IGSF21: variants seen among roughly 807,000 people sequenced by gnomAD.
IGSF21 encodes the protein immunoglobulin superfamily member 21.
Under a neutral mutation model 46.8 loss-of-function variants are expected in IGSF21, and 28 were observed. That is an observed-to-expected ratio of 0.60 (90% confidence interval 0.44 to 0.82). IGSF21 has a LOEUF of 0.82. Ranked by LOEUF, IGSF21 falls within the 40% of genes least tolerant of loss-of-function variation. The pLI, the probability that IGSF21 is intolerant of heterozygous loss-of-function variation, is 0.00. For synonymous variants in IGSF21, 284 were observed against 273.6 expected, an observed-to-expected ratio of 1.04 and a Z score of -0.38; for missense variants, 624 against 665.5, an observed-to-expected ratio of 0.94 and a Z score of 0.69.
At chr1:18,348,424 C>G (rs1336980668) in intron 4 of IGSF21, among the ~76,000 whole-genome samples, 1 of 152,236 alleles carries the variant, frequency 6.6e-6, no homozygotes, top group Admixed American at 6.5e-5. Flanking sequence ...CCCGCCAGAG[C>G]AGGCCTGCAG....
intron 1 of IGSF21, among the ~76,000 whole-genome samples, chr1:18,170,785 G>A (rs895272489): frequency 3.9e-5 from 6 of 152,026 alleles, no homozygotes; most frequent in Admixed American, 1.3e-4. Context: ...CTGGGCACAC[G>A]CCCTCCTGTC....
chr1:18,133,188 T>C (rs1397372698), intron 1 of IGSF21, among the ~76,000 whole-genome samples: 1 of 152,168 alleles, frequency 6.6e-6, no homozygotes, highest in Non-Finnish European at 1.5e-5. Flanking sequence ...AAGATACCCA[T>C]GCACTGAGGC....
chr1:18,315,802 A>G (rs1466948259), intron 3 of IGSF21, among the ~76,000 whole-genome samples: 1 of 134,982 alleles, frequency 7.4e-6, no homozygotes, highest in Non-Finnish European at 1.6e-5. Flanking sequence ...GAATGGATGG[A>G]TGGGTGGTGG....
intron 9 of IGSF21, 39 bp from the exon 10 acceptor site, chr1:18,378,217 G>T: frequency 6.4e-7 from 1 of 1,573,874 alleles, no homozygotes; most frequent in East Asian, 2.2e-5. Flanking sequence ...ACGGGGTTGG[G>T]TCTGCAGGCT....
At position 18,378,420 on chromosome 1, in the gene IGSF21, C is replaced by G; in HGVS notation, c.*94C>G. The G allele has an allele frequency of 1.9e-6, 2 of 1,065,598 alleles. No homozygotes were observed. Among genetic ancestry groups the G allele is most frequent in the Non-Finnish European group, 2.8e-6 (2 of 722,086 alleles). The allele number at this position is 1,065,598 out of a possible 1,614,324, so 66.0% of individuals were successfully genotyped here. A position where few individuals can be genotyped will look rare whatever the true frequency, so the allele number is the denominator to read the frequency against. On this transcript the variant is annotated 3_prime_UTR_variant, in exon 10 of 10. Transcript: ENST00000251296. ...CTATTTCCAGTCTTGTTCTTAGTCT[C>G]TTTCCATCTGTGTCTTGGCTTCTTC... is the stretch of plus-strand genomic sequence containing the variant.
intron 6 of IGSF21, among the ~76,000 whole-genome samples, chr1:18,367,519 C>A (rs1293822702): frequency 6.6e-6 from 1 of 151,804 alleles, no homozygotes; most frequent in East Asian, 1.9e-4. Flanking sequence ...ACTCACCAGC[C>A]CCAGGATGTG....
At chr1:18,304,249 T>C (rs1451419614) in intron 3 of IGSF21, among the ~76,000 whole-genome samples, 1 of 152,138 alleles carries the variant, frequency 6.6e-6, no homozygotes, top group Non-Finnish European at 1.5e-5. Flanking sequence ...AGGACAGAAC[T>C]CACGAGTTGT....
intron 1 of IGSF21, among the ~76,000 whole-genome samples, chr1:18,199,762 C>T (rs370939074): frequency 1.3e-5 from 2 of 152,276 alleles, no homozygotes; most frequent in Admixed American, 6.5e-5. Flanking sequence ...GTCTGCTCCA[C>T]GCCTGGTAAT....
intron 1 of IGSF21, among the ~76,000 whole-genome samples, chr1:18,200,784 T>A (rs552641189): frequency 6.6e-6 from 1 of 152,304 alleles, no homozygotes; most frequent in African/African-American, 2.4e-5. Context: ...CTTCCTAACT[T>A]GAGTGGCCGG....
intron 2 of IGSF21, among the ~76,000 whole-genome samples, chr1:18,245,490 C>G (rs1456343925): frequency 6.6e-6 from 1 of 152,048 alleles, no homozygotes; most frequent in Non-Finnish European, 1.5e-5. Flanking sequence ...CTGTGGGTCT[C>G]TGGGATGTAA....
At chr1:18,123,822 G>T (rs1388629664) in intron 1 of IGSF21, among the ~76,000 whole-genome samples, 1 of 152,168 alleles carries the variant, frequency 6.6e-6, no homozygotes, top group Non-Finnish European at 1.5e-5. Context: ...TGAGGCTGGA[G>T]GGGACACAGG....
intron 1 of IGSF21, among the ~76,000 whole-genome samples, chr1:18,172,408 A>G (rs935241500): frequency 6.6e-6 from 1 of 152,196 alleles, no homozygotes; most frequent in Non-Finnish European, 1.5e-5. Context: ...AACACATATC[A>G]TAGACTGTGT....
intron 1 of IGSF21, among the ~76,000 whole-genome samples, chr1:18,155,080 G>A (rs2086556254): frequency 6.6e-6 from 1 of 152,026 alleles, no homozygotes; most frequent in African/African-American, 2.4e-5. Flanking sequence ...CAGCCTTCCA[G>A]GATTTTTGTA....
At chr1:18,341,036 TTCTTCTTCC>T (rs1282429445) in intron 4 of IGSF21, among the ~76,000 whole-genome samples, 28 of 105,416 alleles carry the variant, frequency 2.7e-4, no homozygotes, top group African/African-American at 9.1e-4. Context: ...CTTCTTCTTC[TTCTTCTTCC>T]TCTTCCTCTT....
At chr1:18,360,323 T>C (rs942663940) in intron 4 of IGSF21, among the ~76,000 whole-genome samples, 2 of 152,236 alleles carry the variant, frequency 1.3e-5, no homozygotes, top group Non-Finnish European at 2.9e-5. Context: ...TTGTTTTCTG[T>C]GTGCTCTGCT....
chr1:18,292,894 A>T (rs2085280564), intron 3 of IGSF21, among the ~76,000 whole-genome samples: 1 of 151,532 alleles, frequency 6.6e-6, no homozygotes, highest in South Asian at 2.1e-4. Context: ...GCACACACAC[A>T]CTCTTCCACG....
rs56813007 is a variant in IGSF21 at position 18,153,395 on chromosome 1, C to T, written c.70+45197C>T. Reference sequence around the variant, plus strand: ...GGAGGCCCCAGCCAGATGGATGGAGCGGGGCTCAGAGCTGCTCAGACATCT... The same window carrying T: ...GGAGGCCCCAGCCAGATGGATGGAGTGGGGCTCAGAGCTGCTCAGACATCT... On this transcript the variant is annotated intron_variant, in intron 1 of 9. Coordinates refer to ENST00000251296, the MANE Select transcript of IGSF21 (RefSeq NM_032880.5). Among the ~76,000 whole-genome samples the T allele has an allele frequency of 6.6e-3, 1,012 of 152,300 alleles. 18 individuals carry two copies. The highest frequency in any genetic ancestry group is 0.023 in the African/African-American group (964 of 41,556).
intron 1 of IGSF21, among the ~76,000 whole-genome samples, chr1:18,131,330 C>T (rs890234669): frequency 2.0e-5 from 3 of 152,166 alleles, no homozygotes; most frequent in Non-Finnish European, 4.4e-5. Flanking sequence ...GACTGATTTT[C>T]TCATCTATAC....
intron 2 of IGSF21, among the ~76,000 whole-genome samples, chr1:18,252,664 G>C (rs1296368915): frequency 6.6e-6 from 1 of 152,216 alleles, no homozygotes; most frequent in Non-Finnish European, 1.5e-5. Flanking sequence ...GATCTGAGTG[G>C]AAGAGGAGGA....
Sources: gnomAD v4.1 joint callset for allele counts (sites outside exome capture counted in the v4.1 genomes callset) on GRCh38, gnomAD v4.1.1 for gene constraint, MANE v1.5 for transcripts, NCBI Gene and HGNC (gene_info 2026-07-23, HGNC 2026-07-21) for gene names.